Variants in FHIT observed in about 807,000 individuals in gnomAD.
FHIT encodes the protein fragile histidine triad diadenosine triphosphatase.
A neutral mutation model predicts 17.9 loss-of-function variants in FHIT; 19 were observed. The observed-to-expected ratio is 1.06, with a 90% CI of 0.74 to 1.56. The LOEUF (loss-of-function observed/expected upper bound fraction) is 1.56, where lower values mean the gene tolerates loss of function less well. Ranked by LOEUF, FHIT falls within the 40% of genes most tolerant of loss-of-function variation. The pLI, the probability that FHIT is intolerant of heterozygous loss-of-function variation, is 0.00. For missense variants in FHIT, 248 were observed against 189.2 expected, an observed-to-expected ratio of 1.31 and a Z score of -1.82; for synonymous variants, 81 against 69.7, an observed-to-expected ratio of 1.16 and a Z score of -0.81.
intron 5 of FHIT, among the ~76,000 whole-genome samples, chr3:60,521,952 G>A (rs1230484320): frequency 1.3e-5 from 2 of 152,138 alleles, no homozygotes; most frequent in Non-Finnish European, 2.9e-5. Flanking sequence ...TTGTGGTAGG[G>A]TCAGGGAAGG....
chr3:60,991,153 A>G (rs2030176347), intron 3 of FHIT, among the ~76,000 whole-genome samples: 1 of 152,220 alleles, frequency 6.6e-6, no homozygotes, highest in Admixed American at 6.5e-5. Context: ...TTAAGCAACA[A>G]GTTGAATTAC....
rs182463884 is a variant in FHIT, at chr3:59,981,727, T to A, written c.279+29644A>T. On this transcript the variant is annotated intron_variant, in intron 7 of 9. Transcript: ENST00000492590. ...ATGCTAAATGGTCAAATAGAGAAGT[T>A]AAACACACATAAAACATTTAATGTG... 1.5e-3 allele frequency among the ~76,000 whole-genome samples: 223 copies of A among 152,186 alleles called. 1 individual carries two copies. The highest frequency in any genetic ancestry group is 6.8e-3 in the Middle Eastern group (2 of 294).
At chr3:60,920,110 G>A (rs1484509912) in intron 3 of FHIT, among the ~76,000 whole-genome samples, 2 of 151,810 alleles carry the variant, frequency 1.3e-5, no homozygotes, top group African/African-American at 4.8e-5. Flanking sequence ...AGTTTCTTAA[G>A]CTCAATGAAT....
chr3:59,847,516 T>C (rs1256903211), intron 8 of FHIT, among the ~76,000 whole-genome samples: 2 of 152,186 alleles, frequency 1.3e-5, no homozygotes, highest in Non-Finnish European at 2.9e-5. Context: ...TTTAGTTTTT[T>C]TGATCATCTC....
chr3:60,414,939 C>T (rs1442672487), intron 5 of FHIT, among the ~76,000 whole-genome samples: 1 of 152,130 alleles, frequency 6.6e-6, no homozygotes, highest in Non-Finnish European at 1.5e-5. Flanking sequence ...TTGATAGTTT[C>T]GTAGCTCTCA....
At chr3:59,801,307 G>C (rs2106979008) in intron 8 of FHIT, among the ~76,000 whole-genome samples, 1 of 149,298 alleles carries the variant, frequency 6.7e-6, no homozygotes, top group South Asian at 2.1e-4. Flanking sequence ...AGGCTTAAAT[G>C]CTTTCATTTT....
intron 5 of FHIT, among the ~76,000 whole-genome samples, chr3:60,191,946 C>CA (rs966331000): frequency 2.0e-5 from 3 of 151,680 alleles, no homozygotes; most frequent in African/African-American, 4.8e-5. Flanking sequence ...CACCTACAAT[C>CA]AAAAAAATAA....
chr3:60,260,811 G>A (rs576160755), intron 5 of FHIT, among the ~76,000 whole-genome samples: 39 of 152,052 alleles, frequency 2.6e-4, no homozygotes, highest in African/African-American at 8.4e-4. Context: ...AAAACCCATC[G>A]AAACCAAGAT....
chr3:60,446,725 C>A (rs1212913628), intron 5 of FHIT, among the ~76,000 whole-genome samples: 2 of 151,914 alleles, frequency 1.3e-5, no homozygotes, highest in African/African-American at 4.8e-5. Context: ...TGCTCATGCA[C>A]ACTTATAGTA....
At chr3:60,208,145 T>C (rs1481029675) in intron 5 of FHIT, among the ~76,000 whole-genome samples, 1 of 152,242 alleles carries the variant, frequency 6.6e-6, no homozygotes, top group African/African-American at 2.4e-5. Flanking sequence ...GTTTACACTT[T>C]TTCTGTGTAC....
At chr3:60,887,095 TC>T (rs1160466587) in intron 3 of FHIT, among the ~76,000 whole-genome samples, 2 of 152,210 alleles carry the variant, frequency 1.3e-5, no homozygotes, top group Non-Finnish European at 2.9e-5. Context: ...AATTTGTCTC[TC>T]CTGACAAAGT....
At chr3:60,234,021 C>T (rs962098783) in intron 5 of FHIT, among the ~76,000 whole-genome samples, 3 of 152,132 alleles carry the variant, frequency 2.0e-5, no homozygotes. Flanking sequence ...ACAGACAAGT[C>T]ACTTATTATC....
At chr3:60,869,043 G>T (rs1325559325) in intron 3 of FHIT, among the ~76,000 whole-genome samples, 1 of 152,052 alleles carries the variant, frequency 6.6e-6, no homozygotes, top group Non-Finnish European at 1.5e-5. Context: ...AAATCCCAAG[G>T]AACCAACCTC....
At chr3:60,570,412 T>TA (rs1418376672) in intron 4 of FHIT, among the ~76,000 whole-genome samples, 1 of 151,922 alleles carries the variant, frequency 6.6e-6, no homozygotes, top group Non-Finnish European at 1.5e-5. Context: ...CCTCTGAGAG[T>TA]ATGTATAAGT....
At chr3:60,387,023 C>CTTTTTCTT (rs1701038500) in intron 5 of FHIT, among the ~76,000 whole-genome samples, 1 of 136,410 alleles carries the variant, frequency 7.3e-6, no homozygotes, top group African/African-American at 2.7e-5. Flanking sequence ...TCTATTTATT[C>CTTTTTCTT]TTTTTTTTTT....
chr3:60,527,185 G>C (rs183902420), intron 5 of FHIT, among the ~76,000 whole-genome samples: 4 of 152,324 alleles, frequency 2.6e-5, no homozygotes, highest in Admixed American at 6.5e-5. Context: ...GACTCCCTGA[G>C]AGATGGCTTC....
chr3:61,011,610 C>T (rs57001236), intron 3 of FHIT, among the ~76,000 whole-genome samples: 3,079 of 152,146 alleles, frequency 0.02, 71 homozygotes, highest in African/African-American at 0.048. Flanking sequence ...TAAAAGAATA[C>T]ATTTCAAGAT....
chr3:60,606,789 C>T (rs2038622225), intron 4 of FHIT, among the ~76,000 whole-genome samples: 1 of 152,172 alleles, frequency 6.6e-6, no homozygotes, highest in African/African-American at 2.4e-5. Context: ...GTAATGGCTT[C>T]TTAATAGCCA....
chr3:59,849,403 T>A (rs146019970), intron 8 of FHIT, among the ~76,000 whole-genome samples: 1 of 152,242 alleles, frequency 6.6e-6, no homozygotes, highest in African/African-American at 2.4e-5. Context: ...TCTCCCATTA[T>A]TAAATGCATA....
Sources: allele counts gnomAD v4.1 joint callset (sites outside exome capture counted in the v4.1 genomes callset), GRCh38; gene constraint gnomAD v4.1.1; transcripts MANE v1.5; gene names NCBI Gene and HGNC (gene_info 2026-07-23, HGNC 2026-07-21).